RSPH14: variants seen among roughly 807,000 people sequenced by gnomAD.
RSPH14 encodes rhabdoid tumor deletion region gene 1.
In RSPH14, 20 loss-of-function variants were observed where a neutral mutation model predicts 26.7. The ratio of observed to expected loss-of-function variants is 0.75; its 90% CI spans 0.53 to 1.09. The LOEUF (loss-of-function observed/expected upper bound fraction) is 1.09, where lower values mean the gene tolerates loss of function less well. Among genes scored for constraint, RSPH14 ranks in the 50% least tolerant of loss-of-function variants. The pLI, the probability that RSPH14 is intolerant of heterozygous loss-of-function variation, is 0.00. For missense variants in RSPH14, 449 were observed against 457.2 expected, an observed-to-expected ratio of 0.98 and a Z score of 0.16; for synonymous variants, 177 against 189.3, an observed-to-expected ratio of 0.93 and a Z score of 0.53.
chr22:23,134,096 C>A lies in RSPH14; in HGVS notation c.351G>T (p.Leu117=). Residue 117 remains leucine, a synonymous_variant, in exon 4 of 7, where the codon CTG becomes CTT. Transcript: ENST00000216036. ...CCCGGCAGACTGGGCTGGGGTCATTCAGCAGGAAGGACAGGGCAAGGACGA... is the reference window on the plus strand; with the variant it reads ...CCCGGCAGACTGGGCTGGGGTCATTAAGCAGGAAGGACAGGGCAAGGACGA... ...HDIVLALSFL[L]NDPSPVCRGN... is the part of the protein sequence containing the mutation. The A allele has an allele frequency of 6.2e-7, 1 of 1,613,560 alleles. No homozygotes were observed. The highest frequency in any genetic ancestry group is 8.5e-7 in the Non-Finnish European group (1 of 1,179,644).
upstream of RSPH14, chr22:23,146,656 C>A (rs144444349): frequency 6.2e-7 from 1 of 1,613,936 alleles, no homozygotes; most frequent in African/African-American, 1.3e-5. Flanking sequence ...CCCTGTGAGC[C>A]GCGACCGTGT....
intron 4 of RSPH14, among the ~76,000 whole-genome samples, chr22:23,069,808 G>A (rs1288545326): frequency 6.6e-6 from 1 of 152,126 alleles, no homozygotes; most frequent in Non-Finnish European, 1.5e-5. Flanking sequence ...CCTTTCACAC[G>A]TTCTGAAGGA....
chr22:23,088,379 G>A lies in RSPH14; in HGVS notation c.422-24246C>T, dbSNP rs1303208535. On this transcript the variant is annotated intron_variant, in intron 4 of 6. Transcript: ENST00000216036. ...AGGGCCTGTGGTCACAGGCATCAGT[G>A]AGCCTGGAGATCTGTCACTGCGCGG... is the stretch of plus-strand genomic sequence containing the variant. 7.2e-5 allele frequency among the ~76,000 whole-genome samples: 11 copies of A among 152,320 alleles called. 1 individual carries two copies. The East Asian group carries it at 7.7e-4, about 11-fold the overall frequency.
intron 4 of RSPH14, among the ~76,000 whole-genome samples, chr22:23,080,504 A>G (rs2068646014): frequency 6.6e-6 from 1 of 152,232 alleles, no homozygotes; most frequent in African/African-American, 2.4e-5. Context: ...TGCTCGGACT[A>G]TGGCTTCAGG....
rs948106458 is a variant in RSPH14 at position 23,089,030 on chromosome 22, G to A, written c.422-24897C>T. On this transcript the variant is annotated intron_variant, in intron 4 of 6. Coordinates refer to ENST00000216036, the MANE Select transcript of RSPH14 (RefSeq NM_014433.3). Reference sequence around the variant, plus strand: ...GGTCTGTGTGTTGAACCATCACTTCGTCTTGGCTCACTCTTTCCGTCGCCC... The same window carrying A: ...GGTCTGTGTGTTGAACCATCACTTCATCTTGGCTCACTCTTTCCGTCGCCC... 4.6e-5 allele frequency among the ~76,000 whole-genome samples: 7 copies of A among 152,158 alleles called. No homozygotes were observed. In the East Asian group the frequency reaches 5.8e-4, roughly 13 times the overall value.
the RSPH14 span, chr22:23,152,475 A>C: frequency 6.2e-7 from 1 of 1,614,174 alleles, no homozygotes; most frequent in South Asian, 1.1e-5. Flanking sequence ...AAACTCTCCA[A>C]GGTGGTGGTG....
chr22:23,103,317 C>T (rs1172646760), intron 4 of RSPH14, among the ~76,000 whole-genome samples: 1 of 152,216 alleles, frequency 6.6e-6, no homozygotes, highest in Non-Finnish European at 1.5e-5. Context: ...AGTTGTTAGA[C>T]CTTTACCAGT....
intron 4 of RSPH14, among the ~76,000 whole-genome samples, chr22:23,115,754 C>T (rs572082517): frequency 1.3e-5 from 2 of 152,354 alleles, no homozygotes; most frequent in East Asian, 3.9e-4. Flanking sequence ...GCCATTTTGA[C>T]TGGGTCTTTT....
At chr22:23,088,454 G>A (rs993634760) in intron 4 of RSPH14, among the ~76,000 whole-genome samples, 3 of 152,220 alleles carry the variant, frequency 2.0e-5, no homozygotes, top group African/African-American at 7.2e-5. Flanking sequence ...GGAGCTGGCA[G>A]GTACAGGAGC....
At chr22:23,168,496 CCA>C in the RSPH14 span, among the ~76,000 whole-genome samples, 25,262 of 151,712 alleles carry the variant, frequency 0.17, 2,266 homozygotes, top group African/African-American at 0.23. Context: ...CCGCTCCCCG[CCA>C]CACACACACA....
intron 4 of RSPH14, among the ~76,000 whole-genome samples, chr22:23,097,766 C>T (rs900864542): frequency 4.6e-5 from 7 of 152,212 alleles, no homozygotes; most frequent in African/African-American, 1.4e-4. Context: ...GTGGGCAGAG[C>T]GCTTGGGGCT....
intron 4 of RSPH14, among the ~76,000 whole-genome samples, chr22:23,116,498 C>A (rs1287107270): frequency 1.3e-5 from 2 of 152,226 alleles, no homozygotes; most frequent in Non-Finnish European, 2.9e-5. Context: ...CACTGAGCTA[C>A]CTCATGCAGG....
chr22:23,149,320 T>C (rs368215162), upstream of RSPH14, among the ~76,000 whole-genome samples: 14 of 152,268 alleles, frequency 9.2e-5, 1 homozygote, highest in East Asian at 9.6e-4. Context: ...TGGCAAAAAA[T>C]AATGGTCATC....
the RSPH14 span, chr22:23,163,961 C>G: frequency 6.6e-6 from 1 of 152,282 alleles, no homozygotes; most frequent in African/African-American, 2.4e-5. Flanking sequence ...GCGGGCCATC[C>G]GGCTTGTGTC....
At chr22:23,175,160 T>C in the RSPH14 span, among the ~76,000 whole-genome samples, 1 of 151,710 alleles carries the variant, frequency 6.6e-6, no homozygotes, top group Non-Finnish European at 1.5e-5. Flanking sequence ...CACACCCGGC[T>C]AATTTGTTTT....
intron 4 of RSPH14, among the ~76,000 whole-genome samples, chr22:23,110,437 C>T (rs1199787669): frequency 1.3e-5 from 2 of 152,206 alleles, no homozygotes; most frequent in Non-Finnish European, 2.9e-5. Context: ...CCATGGTGCT[C>T]CAGCCAGGAA....
intron 4 of RSPH14, among the ~76,000 whole-genome samples, chr22:23,106,254 G>C (rs1455911548): frequency 1.3e-5 from 2 of 152,218 alleles, no homozygotes; most frequent in Non-Finnish European, 2.9e-5. Flanking sequence ...AAGCAAAACA[G>C]AGTGACATGA....
intron 4 of RSPH14, among the ~76,000 whole-genome samples, chr22:23,098,729 G>A (rs1301650620): frequency 6.6e-6 from 1 of 152,262 alleles, no homozygotes; most frequent in East Asian, 1.9e-4. Context: ...AGTAATATCT[G>A]GAGATGGAAA....
intron 2 of RSPH14, 97 bp from the exon 3 acceptor site, chr22:23,139,039 C>T: frequency 1.1e-6 from 1 of 877,780 alleles, no homozygotes; most frequent in Non-Finnish European, 1.8e-6. Flanking sequence ...CCAGTTGGGG[C>T]AGGAATGTAC....
Sources: allele counts gnomAD v4.1 joint callset (sites outside exome capture counted in the v4.1 genomes callset), GRCh38; gene constraint gnomAD v4.1.1; transcripts MANE v1.5; gene names NCBI Gene and HGNC (gene_info 2026-07-23, HGNC 2026-07-21).